Variants in KIZ observed in about 807,000 individuals in gnomAD.
KIZ encodes the protein centrosomal protein kizuna.
Under a neutral mutation model 79.6 loss-of-function variants are expected in KIZ, and 68 were observed. The ratio of observed to expected loss-of-function variants is 0.85; its 90% CI spans 0.70 to 1.05. KIZ has a LOEUF of 1.05. KIZ is among the 50% of genes least tolerant of loss of function. The pLI, the probability that KIZ is intolerant of heterozygous loss-of-function variation, is 0.00. For missense variants in KIZ, 797 were observed against 800.4 expected (o/e 1.00, Z 0.05); for synonymous variants, 280 against 281.8 (o/e 0.99, Z 0.06).
intron 9 of KIZ, among the ~76,000 whole-genome samples, chr20:21,217,391 T>C (rs1243851226): frequency 3.3e-5 from 5 of 152,248 alleles, no homozygotes; most frequent in African/African-American, 1.2e-4. Flanking sequence ...ATTTCACTTT[T>C]GGTAGAGTAA....
intron 6 of KIZ, among the ~76,000 whole-genome samples, chr20:21,176,914 C>G (rs1432703854): frequency 1.3e-5 from 2 of 152,198 alleles, no homozygotes; most frequent in African/African-American, 4.8e-5. Flanking sequence ...CAGAATTCAT[C>G]CATGTCAAGA....
At chr20:21,149,346 G>A (rs1426915710) in intron 4 of KIZ, among the ~76,000 whole-genome samples, 1 of 152,188 alleles carries the variant, frequency 6.6e-6, no homozygotes, top group East Asian at 1.9e-4. Flanking sequence ...CTTCCTTGGT[G>A]CTGTAGTATT....
At chr20:21,181,306 C>T (rs2034645502) in intron 6 of KIZ, among the ~76,000 whole-genome samples, 1 of 152,182 alleles carries the variant, frequency 6.6e-6, no homozygotes, top group South Asian at 2.1e-4. Flanking sequence ...GGCCCAGCCA[C>T]ACCAATGGCA....
chr20:21,204,121 T>G lies in KIZ; in HGVS notation c.1353-1370T>G, dbSNP rs1375647722. On this transcript the variant is annotated intron_variant, in intron 6 of 12. Transcript: ENST00000619189. ...GTCATCTATGTTTTTTTTTTTTTTTTTTTTTTTTTTTTGAGACGGAGTCTC... is the reference window on the plus strand; with the variant it reads ...GTCATCTATGTTTTTTTTTTTTTTTGTTTTTTTTTTTTGAGACGGAGTCTC... 1.1e-3 allele frequency among the ~76,000 whole-genome samples: 144 copies of G among 135,624 alleles called. 1 individual carries two copies. Among genetic ancestry groups the G allele is most frequent in the African/African-American group, 3.7e-3 (134 of 35,892 alleles). The allele number at this position is 135,624 out of a possible 152,430, so 89.0% of individuals were successfully genotyped here.
chr20:21,157,514 C>G (rs1475673001), intron 4 of KIZ, among the ~76,000 whole-genome samples: 1 of 152,188 alleles, frequency 6.6e-6, no homozygotes, highest in East Asian at 1.9e-4. Context: ...AGTGTTGTCT[C>G]TTGAATTGGC....
rs542676446 is a variant in KIZ at position 21,207,309 on chromosome 20, C to CT, written c.1446+1734dup. Among the ~76,000 whole-genome samples the CT allele has an allele frequency of 8.4e-4, 128 of 151,572 alleles. 2 individuals carry two copies. In the South Asian group the frequency reaches 0.014, roughly 17 times the overall value. On this transcript the variant is annotated intron_variant, in intron 7 of 12. Transcript: ENST00000619189. ...TGCTCTAATTAAGAGAGTAGCAGGA[C>CT]TTTTTTTTTATAACATTTCAAACAT...
At chr20:21,194,292 C>T (rs1446276281) in intron 6 of KIZ, 1 of 152,192 alleles carries the variant, frequency 6.6e-6, no homozygotes, top group African/African-American at 2.4e-5. Context: ...GTAGGGCTAG[C>T]ATGTTGGTGC....
upstream of KIZ, chr20:21,126,080 C>G (rs539303126): frequency 1.4e-5 from 21 of 1,494,636 alleles, no homozygotes; most frequent in African/African-American, 1.7e-4. Flanking sequence ...GAACGGCCAC[C>G]CAGAGGCTGT....
At chr20:21,174,928 A>G (rs182307864) in intron 6 of KIZ, among the ~76,000 whole-genome samples, 1 of 152,374 alleles carries the variant, frequency 6.6e-6, no homozygotes, top group Admixed American at 6.5e-5. Context: ...AATTCACTTT[A>G]TAAGGAGCTG....
intron 6 of KIZ, among the ~76,000 whole-genome samples, chr20:21,164,710 T>G (rs866934441): frequency 1.0e-5 from 1 of 100,314 alleles, no homozygotes; most frequent in African/African-American, 2.8e-5. Flanking sequence ...TCCATTCGAA[T>G]GACTTTTTTT....
Position 21,162,940 on chromosome 20 carries a change from T to C in KIZ, c.1133T>C (p.Leu378Pro). 1 of 1,613,604 alleles carries C rather than the reference T, an allele frequency of 6.2e-7. No individual in the cohort carries two copies. The highest frequency in any genetic ancestry group is 8.5e-7 in the Non-Finnish European group (1 of 1,179,668). The change falls in exon 6 of 13, where the codon CTT becomes CCT. Residue 378 changes from leucine (L) to proline (P), a missense_variant. Coordinates refer to ENST00000619189, the MANE Select transcript of KIZ (RefSeq NM_018474.6). ...EEESWSTSSD[L>P]TISISEDDLI... The stretch of plus-strand genomic sequence containing the variant: ...GAAAGTTGGAGCACCAGCAGTGACC[T>C]TACCATTTCAATAAGTGAAGATGAT...
At chr20:21,134,827 C>T (rs371191748) in intron 2 of KIZ, among the ~76,000 whole-genome samples, 170 of 152,004 alleles carry the variant, frequency 1.1e-3, no homozygotes, top group African/African-American at 4.0e-3. Flanking sequence ...CCACCACACC[C>T]GGCTAATTTT....
intron 2 of KIZ, among the ~76,000 whole-genome samples, chr20:21,135,243 T>C (rs1360221291): frequency 6.6e-6 from 1 of 152,160 alleles, no homozygotes; most frequent in Non-Finnish European, 1.5e-5. Context: ...AACTAGAATT[T>C]GGATGGAGAA....
chr20:21,194,587 G>C (rs947575883), intron 6 of KIZ: 1 of 152,220 alleles, frequency 6.6e-6, no homozygotes, highest in African/African-American at 2.4e-5. Flanking sequence ...GTCCGAGAAA[G>C]TTCTGAGTTA....
At chr20:21,149,591 C>T (rs2033013555) in intron 4 of KIZ, among the ~76,000 whole-genome samples, 1 of 152,190 alleles carries the variant, frequency 6.6e-6, no homozygotes, top group African/African-American at 2.4e-5. Flanking sequence ...GAGCATGTGT[C>T]CGAGGTGCTC....
intron 6 of KIZ, chr20:21,198,870 C>G (rs939738031): frequency 6.6e-6 from 1 of 152,578 alleles, no homozygotes; most frequent in African/African-American, 2.4e-5. Flanking sequence ...ATAAAAACCA[C>G]GGTCTTAAAA....
intron 6 of KIZ, among the ~76,000 whole-genome samples, chr20:21,184,443 C>A (rs540963847): frequency 9.2e-5 from 14 of 152,338 alleles, no homozygotes; most frequent in African/African-American, 3.4e-4. Flanking sequence ...AGCCACCACG[C>A]CCGGTCCCCT....
Position 21,166,553 on chromosome 20 carries a change from T to C in KIZ, c.1352+3394T>C, listed in dbSNP as rs1204813252. On this transcript the variant is annotated intron_variant, in intron 6 of 12. Transcript: ENST00000619189. ...GCGTTTGCCTCTCTTTTCGGCATTGTTGATGGTCTTGAGAGCATCTGCCAG... is the reference window on the plus strand; with the variant it reads ...GCGTTTGCCTCTCTTTTCGGCATTGCTGATGGTCTTGAGAGCATCTGCCAG... 9.7e-6 allele frequency: 14 copies of C among 1,448,996 alleles called. No individual in the cohort carries two copies. The East Asian group carries it at 2.9e-4, about 30-fold the overall frequency. 89.8% of individuals were successfully genotyped at this position (1,448,996 alleles called of 1,614,324 possible). A position where few individuals can be genotyped will look rare whatever the true frequency, so the allele number is the denominator to read the frequency against.
intron 9 of KIZ, among the ~76,000 whole-genome samples, chr20:21,225,571 T>C (rs2036630117): frequency 6.6e-6 from 1 of 152,246 alleles, no homozygotes; most frequent in Non-Finnish European, 1.5e-5. Context: ...CCTACCTTGT[T>C]TGTAACAGAC....
Sources: gnomAD v4.1 joint callset for allele counts (sites outside exome capture counted in the v4.1 genomes callset) on GRCh38, gnomAD v4.1.1 for gene constraint, MANE v1.5 for transcripts, NCBI Gene and HGNC (gene_info 2026-07-23, HGNC 2026-07-21) for gene names.